The following BRAF variants were observed in gnomAD, a reference collection of about 807,000 sequenced individuals.
BRAF encodes the protein B-Raf proto-oncogene, serine/threonine kinase, also known as serine/threonine-protein kinase B-raf.
In BRAF, 16 loss-of-function variants were observed where a neutral mutation model predicts 104.6. The ratio of observed to expected loss-of-function variants is 0.15; its 90% CI spans 0.10 to 0.23. The LOEUF (loss-of-function observed/expected upper bound fraction) is 0.23. BRAF is among the 10% of genes least tolerant of loss of function. BRAF has a pLI of 1.00. For synonymous variants in BRAF, 310 were observed against 341.6 expected (o/e 0.91, Z 1.02); for missense variants, 541 against 937.3 (o/e 0.58, Z 5.52).
intron 7 of BRAF, among the ~76,000 whole-genome samples, chr7:140,798,465 T>A (rs1802727258): frequency 6.6e-6 from 1 of 151,566 alleles, no homozygotes; most frequent in East Asian, 2.0e-4. Context: ...TTTCACTGTG[T>A]TAGCCAGGAT....
chr7:140,779,408 T>C (rs1376255926), intron 12 of BRAF, among the ~76,000 whole-genome samples: 1 of 152,178 alleles, frequency 6.6e-6, no homozygotes, highest in Non-Finnish European at 1.5e-5. Flanking sequence ...GGCTAATTTA[T>C]GTGCACTTTT....
intron 4 of BRAF, among the ~76,000 whole-genome samples, 192 bp downstream of exon 4, chr7:140,808,700 C>T (rs1013255838): frequency 6.6e-6 from 1 of 152,098 alleles, no homozygotes; most frequent in African/African-American, 2.4e-5. Context: ...ACAAACCCTA[C>T]AGTCATATAC....
At chr7:140,800,199 T>G (rs1802939322) in intron 7 of BRAF, 163 bp downstream of exon 7, 1 of 1,119,788 alleles carries the variant, frequency 8.9e-7, no homozygotes, top group Admixed American at 2.1e-5. Flanking sequence ...TCCCATTTAT[T>G]TGTATCAAAT....
chr7:140,843,094 C>T (rs1433264725), intron 2 of BRAF, among the ~76,000 whole-genome samples: 4 of 152,112 alleles, frequency 2.6e-5, no homozygotes, highest in African/African-American at 7.2e-5. Context: ...TGAAGAAAAA[C>T]TGAACACTGG....
chr7:140,821,239 C>T (rs1805444704), intron 3 of BRAF, among the ~76,000 whole-genome samples: 1 of 152,000 alleles, frequency 6.6e-6, no homozygotes, highest in African/African-American at 2.4e-5. Context: ...CTGCCTTGGC[C>T]TCCCAAAGTG....
chr7:140,846,667 G>A (rs1039854205), intron 2 of BRAF, among the ~76,000 whole-genome samples: 6 of 151,680 alleles, frequency 4.0e-5, no homozygotes, highest in Non-Finnish European at 8.8e-5. Flanking sequence ...TGGTTAAAAT[G>A]GTAAATTTTG....
chr7:140,768,138 C>A (rs1405919605), intron 14 of BRAF, among the ~76,000 whole-genome samples: 2 of 152,152 alleles, frequency 1.3e-5, no homozygotes, highest in Admixed American at 1.3e-4. Flanking sequence ...AAAGGATACA[C>A]AATACACATC....
chr7:140,898,603 A>T (rs866736845), intron 1 of BRAF, among the ~76,000 whole-genome samples: 40 of 152,352 alleles, frequency 2.6e-4, no homozygotes, highest in Middle Eastern at 3.4e-3. Context: ...ACATCGTTCC[A>T]TTAAAGCATA....
chr7:140,914,681 T>C (rs999747467), intron 1 of BRAF, among the ~76,000 whole-genome samples: 2 of 152,078 alleles, frequency 1.3e-5, no homozygotes, highest in African/African-American at 4.8e-5. Context: ...AGATGGGATA[T>C]TTTTATGATG....
intron 14 of BRAF, among the ~76,000 whole-genome samples, chr7:140,758,797 A>T (rs569853229): frequency 1.3e-5 from 2 of 152,378 alleles, no homozygotes; most frequent in East Asian, 3.9e-4. Context: ...GTTTACACAC[A>T]AGATGCACCC....
intron 14 of BRAF, among the ~76,000 whole-genome samples, chr7:140,772,272 T>TACAACA (rs61337459): frequency 0.041 from 6,176 of 149,246 alleles, 312 homozygotes; most frequent in African/African-American, 0.12. Context: ...ATTGTTTAAC[T>TACAACA]ACAACAACAA....
intron 14 of BRAF, among the ~76,000 whole-genome samples, chr7:140,756,123 T>C (rs942577255): frequency 1.3e-5 from 2 of 152,032 alleles, no homozygotes; most frequent in African/African-American, 4.8e-5. Flanking sequence ...AGGAAAGCAC[T>C]AGATAATTAA....
chr7:140,769,074 C>T (rs940138358), intron 14 of BRAF, among the ~76,000 whole-genome samples: 10 of 149,736 alleles, frequency 6.7e-5, no homozygotes, highest in African/African-American at 2.6e-4. Context: ...GACTAAAACA[C>T]CTCCAGTCTT....
intron 17 of BRAF, among the ~76,000 whole-genome samples, chr7:140,743,316 A>C (rs1797081997): frequency 6.6e-6 from 1 of 151,896 alleles, no homozygotes; most frequent in Admixed American, 6.6e-5. Flanking sequence ...AAGACTTGGA[A>C]CCAACCCAAA....
At position 140,777,073 on chromosome 7, in the gene BRAF, C is replaced by T. The variant is rs1345884129; in HGVS notation, c.1653G>A (p.Val551=). The change falls in exon 14 of 20, where the codon GTG becomes GTA. Residue 551 remains valine (V), a synonymous_variant. Coordinates refer to ENST00000644969, the MANE Select transcript of BRAF (RefSeq NM_001374258.1). Reference sequence around the variant, plus strand: ...AATAGCCCATGAAGAGTAGGATATTCACATGTCGTGTTTTCCTGTACAAAG... The same window carrying T: ...AATAGCCCATGAAGAGTAGGATATTTACATGTCGTGTTTTCCTGTACAAAG... ...EVGVLRKTRH[V]NILLFMGYST... 1.9e-6 allele frequency: 3 copies of T among 1,613,890 alleles called. No homozygotes were observed. The highest frequency in any genetic ancestry group is 1.7e-5 in the Admixed American group (1 of 59,984).
chr7:140,775,653 T>G (rs1800271899), intron 14 of BRAF, among the ~76,000 whole-genome samples: 1 of 152,204 alleles, frequency 6.6e-6, no homozygotes. Flanking sequence ...TTTTAATTCT[T>G]TAAAAGCCTT....
At chr7:140,914,987 T>G (rs1817443999) in intron 1 of BRAF, among the ~76,000 whole-genome samples, 4 of 47,758 alleles carry the variant, frequency 8.4e-5, no homozygotes, top group African/African-American at 8.6e-5. Flanking sequence ...GGGCGGAGGT[T>G]GCAATGAGCC....
At chr7:140,761,452 C>A (rs1032006191) in intron 14 of BRAF, among the ~76,000 whole-genome samples, 10 of 151,894 alleles carry the variant, frequency 6.6e-5, no homozygotes, top group African/African-American at 2.4e-4. Flanking sequence ...ATGTAAAGAC[C>A]ATCGAGACTA....
chr7:140,814,188 C>G (rs1427767082), intron 3 of BRAF, among the ~76,000 whole-genome samples: 1 of 151,996 alleles, frequency 6.6e-6, no homozygotes, highest in African/African-American at 2.4e-5. Context: ...AAAAAGCATC[C>G]TATCTTAAAA....
Sources: gnomAD v4.1 joint callset for allele counts (sites outside exome capture counted in the v4.1 genomes callset) on GRCh38, gnomAD v4.1.1 for gene constraint, MANE v1.5 for transcripts, NCBI Gene and HGNC (gene_info 2026-07-23, HGNC 2026-07-21) for gene names.